PTPRG: variants seen among roughly 807,000 people sequenced by gnomAD.
PTPRG encodes protein tyrosine phosphatase receptor type G.
In PTPRG, 102 loss-of-function variants were observed where a neutral mutation model predicts 165.3. That is an observed-to-expected ratio of 0.62 (90% confidence interval 0.53 to 0.73). The LOEUF (loss-of-function observed/expected upper bound fraction) is 0.73, where lower values mean the gene tolerates loss of function less well. Ranked by LOEUF, PTPRG falls within the 30% of genes least tolerant of loss-of-function variation. The pLI is 0.00. For missense variants in PTPRG, 1,866 were observed against 1,861.4 expected (o/e 1.00, Z -0.05); for synonymous variants, 675 against 669.5 (o/e 1.01, Z -0.13).
chr3:62,279,583 C>T (rs1249412078), intron 26 of PTPRG, among the ~76,000 whole-genome samples: 1 of 152,040 alleles, frequency 6.6e-6, no homozygotes, highest in Non-Finnish European at 1.5e-5. Context: ...ATGCCCTGTT[C>T]ATTACCTTAT....
At chr3:61,800,023 C>A (rs953513127) in intron 2 of PTPRG, among the ~76,000 whole-genome samples, 1 of 152,196 alleles carries the variant, frequency 6.6e-6, no homozygotes, top group Non-Finnish European at 1.5e-5. Context: ...TAAACTCTCT[C>A]TGCCTCACTT....
chr3:62,283,683 TA>T (rs1702533583), intron 28 of PTPRG, among the ~76,000 whole-genome samples: 1 of 152,100 alleles, frequency 6.6e-6, no homozygotes, highest in South Asian at 2.1e-4. Flanking sequence ...GCTACCCAAG[TA>T]GCATAAAGTA....
At chr3:62,288,498 C>A (rs1232206486) in intron 28 of PTPRG, among the ~76,000 whole-genome samples, 1 of 152,048 alleles carries the variant, frequency 6.6e-6, no homozygotes, top group Non-Finnish European at 1.5e-5. Flanking sequence ...CATGGCGAAA[C>A]CCCGTCTCTA....
intron 1 of PTPRG, among the ~76,000 whole-genome samples, chr3:61,742,106 G>A (rs983161280): frequency 3.3e-5 from 5 of 152,108 alleles, no homozygotes; most frequent in Non-Finnish European, 7.4e-5. Context: ...TGTTTAGACT[G>A]CAAATTAACA....
intron 1 of PTPRG, among the ~76,000 whole-genome samples, chr3:61,600,168 AAAAAAAT>A (rs1700813798): frequency 2.7e-5 from 3 of 111,748 alleles, no homozygotes; most frequent in Admixed American, 9.2e-5. Context: ...TCAAAAAAAA[AAAAAAAT>A]ATATATATAT....
chr3:61,590,064 T>C (rs1472878893), intron 1 of PTPRG, among the ~76,000 whole-genome samples: 1 of 151,906 alleles, frequency 6.6e-6, no homozygotes, highest in Non-Finnish European at 1.5e-5. Context: ...ATGACACAGC[T>C]CTTTGGAAAT....
chr3:61,758,497 G>T (rs1186566847), intron 2 of PTPRG, among the ~76,000 whole-genome samples: 1 of 152,056 alleles, frequency 6.6e-6, no homozygotes, highest in South Asian at 2.1e-4. Context: ...TGTTGCCCAG[G>T]CTGGAGTGAA....
At chr3:61,666,616 G>A (rs907710254) in intron 1 of PTPRG, among the ~76,000 whole-genome samples, 2 of 152,132 alleles carry the variant, frequency 1.3e-5, no homozygotes, top group South Asian at 2.1e-4. Flanking sequence ...TTTTACTGTC[G>A]CTGGTTTTCT....
intron 15 of PTPRG, among the ~76,000 whole-genome samples, chr3:62,248,991 A>T (rs1701351161): frequency 6.6e-6 from 1 of 152,194 alleles, no homozygotes. Flanking sequence ...TATTTTATTT[A>T]TACAGAGATT....
intron 14 of PTPRG, among the ~76,000 whole-genome samples, chr3:62,236,747 G>T (rs1701041569): frequency 6.6e-6 from 1 of 152,098 alleles, no homozygotes; most frequent in African/African-American, 2.4e-5. Flanking sequence ...TCATGATTCT[G>T]GGTTTTCATA....
At chr3:61,943,047 G>A (rs1188315634) in intron 2 of PTPRG, among the ~76,000 whole-genome samples, 1 of 152,172 alleles carries the variant, frequency 6.6e-6, no homozygotes, top group Non-Finnish European at 1.5e-5. Context: ...AGGTATGCTT[G>A]TTGGTCATTA....
chr3:61,810,917 C>T (rs1351063932), intron 2 of PTPRG, among the ~76,000 whole-genome samples: 1 of 151,832 alleles, frequency 6.6e-6, no homozygotes, highest in African/African-American at 2.4e-5. Flanking sequence ...ATCTGATTGG[C>T]TACCTGCCAG....
intron 1 of PTPRG, among the ~76,000 whole-genome samples, chr3:61,673,773 C>G (rs1703115717): frequency 6.6e-6 from 1 of 152,102 alleles, no homozygotes; most frequent in Non-Finnish European, 1.5e-5. Flanking sequence ...CTGAGCAACA[C>G]TTGACTGGAT....
Position 62,028,789 on chromosome 3 carries a change from A to G in PTPRG, c.519+25292A>G, listed in dbSNP as rs561315995. 2.3e-4 allele frequency among the ~76,000 whole-genome samples: 35 copies of G among 152,256 alleles called. 1 individual carries two copies. The South Asian group carries it at 6.2e-3, about 27-fold the overall frequency. ...GCTAGAAAGGAGACAGAAGTCTTTT[A>G]TTGTATCTTTAGCTTTTGTTTGTGT... is the stretch of plus-strand genomic sequence containing the variant. On this transcript the variant is annotated intron_variant, in intron 4 of 29. Transcript: ENST00000474889.
chr3:61,798,559 TAA>T (rs2035129995), intron 2 of PTPRG, among the ~76,000 whole-genome samples: 1 of 151,678 alleles, frequency 6.6e-6, no homozygotes, highest in Admixed American at 6.6e-5. Flanking sequence ...CTTTGCATTT[TAA>T]AGAGTCTGTT....
At chr3:61,989,925 T>G (rs2040845506) in intron 3 of PTPRG, 121 bp downstream of exon 3, 1 of 1,060,870 alleles carries the variant, frequency 9.4e-7, no homozygotes, top group African/African-American at 1.6e-5. Flanking sequence ...GGAGCCTAAA[T>G]CAGTCCTTAG....
intron 2 of PTPRG, among the ~76,000 whole-genome samples, chr3:61,797,814 C>G (rs1434017385): frequency 6.6e-6 from 1 of 151,890 alleles, no homozygotes; most frequent in East Asian, 1.9e-4. Context: ...TCAGTTTCCC[C>G]TCCTGGGTTA....
chr3:61,813,908 G>GT (rs2035674990), intron 2 of PTPRG, among the ~76,000 whole-genome samples: 3 of 147,624 alleles, frequency 2.0e-5, no homozygotes, highest in African/African-American at 7.6e-5. Context: ...TTTTTTTTGG[G>GT]GGGGGTTGGA....
intron 2 of PTPRG, among the ~76,000 whole-genome samples, chr3:61,974,852 G>A (rs2040466436): frequency 6.6e-6 from 1 of 152,180 alleles, no homozygotes; most frequent in South Asian, 2.1e-4. Context: ...GTCCTTTGTG[G>A]AGCAGCTGAA....
Sources: allele counts gnomAD v4.1 joint callset (sites outside exome capture counted in the v4.1 genomes callset), GRCh38; gene constraint gnomAD v4.1.1; transcripts MANE v1.5; gene names NCBI Gene and HGNC (gene_info 2026-07-23, HGNC 2026-07-21).